The following SCN3A variants were observed in gnomAD, a reference collection of about 807,000 sequenced individuals.
SCN3A encodes the protein sodium voltage-gated channel alpha subunit 3.
A neutral mutation model predicts 187.6 loss-of-function variants in SCN3A; 60 were observed. The ratio of observed to expected loss-of-function variants is 0.32; its 90% CI spans 0.26 to 0.40. The LOEUF (loss-of-function observed/expected upper bound fraction) is 0.40, where lower values mean the gene tolerates loss of function less well. Ranked by LOEUF, SCN3A falls within the 10% of genes least tolerant of loss-of-function variation. The pLI is 1.00. For missense variants in SCN3A, 1,601 were observed against 2,428.2 expected (o/e 0.66, Z 7.16); for synonymous variants, 788 against 829.2 (o/e 0.95, Z 0.85).
intron 20 of SCN3A, among the ~76,000 whole-genome samples, 157 bp downstream of exon 20, chr2:165,113,659 A>T (rs1255306018): frequency 6.6e-6 from 1 of 152,208 alleles, no homozygotes. Context: ...ATTTGTTCAG[A>T]ACTGAATTTT....
intron 21 of SCN3A, among the ~76,000 whole-genome samples, chr2:165,108,019 C>T (rs1474237632): frequency 6.6e-6 from 1 of 152,048 alleles, no homozygotes; most frequent in African/African-American, 2.4e-5. Flanking sequence ...GCTTCCCTAC[C>T]TGCAAATTGA....
chr2:165,185,745 C>G (rs1316250643), intron 2 of SCN3A, among the ~76,000 whole-genome samples: 4 of 152,078 alleles, frequency 2.6e-5, no homozygotes, highest in Admixed American at 2.0e-4. Context: ...TAGTTAGTTG[C>G]AGATGATACA....
At chr2:165,122,336 A>C (rs1686731873) in intron 18 of SCN3A, among the ~76,000 whole-genome samples, 1 of 148,682 alleles carries the variant, frequency 6.7e-6, no homozygotes, top group African/African-American at 2.5e-5. Flanking sequence ...TTATATTCAT[A>C]GATCTGAATA....
chr2:165,120,269 C>T (rs1686588170), intron 18 of SCN3A, among the ~76,000 whole-genome samples: 1 of 151,854 alleles, frequency 6.6e-6, no homozygotes, highest in Non-Finnish European at 1.5e-5. Context: ...ATACCACTCA[C>T]AGGAATGGGT....
At chr2:165,133,078 T>G (rs943765212) in intron 15 of SCN3A, among the ~76,000 whole-genome samples, 3 of 152,074 alleles carry the variant, frequency 2.0e-5, no homozygotes, top group African/African-American at 7.2e-5. Flanking sequence ...AAAACCACAA[T>G]GAGATACCAT....
Position 165,176,383 on chromosome 2 carries a change from T to C in SCN3A, c.12A>G (p.Ala4=). The part of the protein sequence containing the change: MAQ[A]LLVPPGPESF... Reference sequence around the variant, plus strand: ...TTTCAGGTCCTGGGGGTACCAACAGTGCCTGTGCCATCTTTTCATCCTGCA... The same window carrying C: ...TTTCAGGTCCTGGGGGTACCAACAGCGCCTGTGCCATCTTTTCATCCTGCA... The change falls in exon 3 of 28, where the codon GCA becomes GCG. Residue 4 remains alanine (A), a synonymous_variant. Coordinates refer to ENST00000283254, the MANE Select transcript of SCN3A (RefSeq NM_006922.4). 2 of 1,614,048 alleles carry C rather than the reference T, an allele frequency of 1.2e-6. No individual in the cohort carries two copies. The highest frequency in any genetic ancestry group is 1.3e-5 in the African/African-American group (1 of 75,036).
chr2:165,175,971 GTTTGT>G (rs144719992), intron 3 of SCN3A, among the ~76,000 whole-genome samples, 155 bp downstream of exon 3: 1 of 152,094 alleles, frequency 6.6e-6, no homozygotes, highest in East Asian at 1.9e-4. Context: ...TCTTATAAAT[GTTTGT>G]TTTATTATAT....
chr2:165,124,730 T>C (rs1198746722), intron 18 of SCN3A, among the ~76,000 whole-genome samples: 1 of 152,152 alleles, frequency 6.6e-6, no homozygotes, highest in Non-Finnish European at 1.5e-5. Flanking sequence ...GGCATTGCTG[T>C]TTTTCCATTT....
chr2:165,135,470 A>G (rs1687608596), intron 15 of SCN3A, among the ~76,000 whole-genome samples: 1 of 152,094 alleles, frequency 6.6e-6, no homozygotes, highest in Non-Finnish European at 1.5e-5. Flanking sequence ...GTAATAAACT[A>G]GTCTGTAGAT....
chr2:165,163,850 G>A lies in SCN3A; in HGVS notation c.603-141C>T, dbSNP rs77408130. 14 of 1,613,708 alleles carry A rather than the reference G, an allele frequency of 8.7e-6. No homozygotes were observed. The Admixed American group carries it at 1.5e-4, about 17-fold the overall frequency. On this transcript the variant is annotated intron_variant, in intron 6 of 27. Coordinates refer to ENST00000283254, the MANE Select transcript of SCN3A (RefSeq NM_006922.4). ...AGAGCTCTCAAGACTCTGAAAGTTC[G>A]AAGGGCTGAAACATTGCCTAGGCTT...
At chr2:165,169,999 G>T (rs1368064262) in intron 4 of SCN3A, among the ~76,000 whole-genome samples, 1 of 151,844 alleles carries the variant, frequency 6.6e-6, no homozygotes, top group Non-Finnish European at 1.5e-5. Flanking sequence ...AGGAAGGACA[G>T]AAAGAAGGAA....
chr2:165,094,476 A>C lies in SCN3A; in HGVS notation c.4434T>G (p.Phe1478Leu). The change falls in exon 26 of 28, where the codon TTT (phenylalanine) becomes TTG (leucine). Residue 1478 changes from phenylalanine to leucine, a missense_variant and splice_region_variant. Coordinates refer to ENST00000283254, the MANE Select transcript of SCN3A (RefSeq NM_006922.4). The part of the protein sequence containing the change: ...IDNFNQQKKK[F>L]GGQDIFMTEE... ...CTGTCATAAAGATGTCTTGACCTCCAAAGTAAAGACATAGTATAAAACTGG... is the reference window on the plus strand; with the variant it reads ...CTGTCATAAAGATGTCTTGACCTCCCAAGTAAAGACATAGTATAAAACTGG... The C allele has an allele frequency of 6.3e-7, 1 of 1,592,524 alleles. No individual in the cohort carries two copies. The highest frequency in any genetic ancestry group is 8.6e-7 in the Non-Finnish European group (1 of 1,160,432).
At position 165,090,588 on chromosome 2, in the gene SCN3A, G is replaced by A. The variant is rs1325706240; in HGVS notation, c.5565C>T (p.Ala1855=). The A allele has an allele frequency of 6.2e-7, 1 of 1,613,850 alleles. No individual in the cohort carries two copies. The highest frequency in any genetic ancestry group is 1.7e-5 in the Admixed American group (1 of 59,958). The change falls in exon 28 of 28, where the codon GCC becomes GCT. Residue 1855 remains alanine, a synonymous_variant. Transcript: ENST00000283254. The surrounding 1 kb of genome is among the most constrained non-coding windows in gnomAD (Gnocchi z 4.0). ...DRIHCLDILF[A]FTKRVLGESG... Reference sequence around the variant, plus strand: ...TCTCACCCAAAACACGCTTTGTAAAGGCAAATAAAATATCAAGACAGTGGA... The same window carrying A: ...TCTCACCCAAAACACGCTTTGTAAAAGCAAATAAAATATCAAGACAGTGGA...
At chr2:165,138,193 T>C (rs1441550451) in intron 14 of SCN3A, 76 bp from the exon 15 acceptor site, 2 of 1,039,944 alleles carry the variant, frequency 1.9e-6, no homozygotes, top group Admixed American at 3.5e-5. Context: ...TTTTACATTA[T>C]TTAACAAAAT....
chr2:165,171,514 G>A (rs1194668433), intron 3 of SCN3A, among the ~76,000 whole-genome samples: 1 of 151,984 alleles, frequency 6.6e-6, no homozygotes, highest in East Asian at 1.9e-4. Context: ...ATTGCCAATT[G>A]AATGAAAATT....
In SCN3A at chr2:165,176,127, T is replaced by C; in HGVS notation, c.264+4A>G. ...TTTATTAGAAGTCTAAAATCAATAC[T>C]CACTTTCTTATTGATATAGTAGGGA... On this transcript the variant is annotated splice_donor_region_variant and intron_variant, in intron 3 of 27. Coordinates refer to ENST00000283254, the MANE Select transcript of SCN3A (RefSeq NM_006922.4). 1.9e-6 allele frequency: 3 copies of C among 1,612,070 alleles called. No homozygotes were observed. Among genetic ancestry groups the C allele is most frequent in the Non-Finnish European group, 2.5e-6 (3 of 1,178,410 alleles).
chr2:165,188,804 CAAA>C (rs763003775), intron 1 of SCN3A, among the ~76,000 whole-genome samples: 3,242 of 72,506 alleles, frequency 0.045, 97 homozygotes, highest in African/African-American at 0.12. Context: ...CGCCCCACTT[CAAA>C]AAAAAAAAAA....
intron 3 of SCN3A, among the ~76,000 whole-genome samples, chr2:165,172,090 G>T (rs1036318736): frequency 5.3e-5 from 8 of 151,952 alleles, no homozygotes; most frequent in African/African-American, 1.9e-4. Context: ...TCAGTATAAA[G>T]GGCAGGGAAA....
chr2:165,193,297 T>C (rs1691729783), intron 1 of SCN3A, among the ~76,000 whole-genome samples: 1 of 152,158 alleles, frequency 6.6e-6, no homozygotes, highest in African/African-American at 2.4e-5. Flanking sequence ...AGGTTGCTGC[T>C]TTTGTCTTTT....
Sources: allele counts gnomAD v4.1 joint callset (sites outside exome capture counted in the v4.1 genomes callset), GRCh38; gene constraint gnomAD v4.1.1; non-coding constraint Gnocchi (gnomAD v3.1); transcripts MANE v1.5; gene names NCBI Gene and HGNC (gene_info 2026-07-23, HGNC 2026-07-21).